Variants in LDLRAD4 observed in about 807,000 individuals in gnomAD.
The protein encoded by LDLRAD4 is low density lipoprotein receptor class A domain containing 4.
A neutral mutation model predicts 17.0 loss-of-function variants in LDLRAD4; 5 were observed. That is an observed-to-expected ratio of 0.29 (90% CI 0.15 to 0.62). The LOEUF (loss-of-function observed/expected upper bound fraction) is 0.62, where lower values mean the gene tolerates loss of function less well. Ranked by LOEUF, LDLRAD4 falls within the 20% of genes least tolerant of loss-of-function variation. LDLRAD4 has a pLI of 0.84. For synonymous variants in LDLRAD4, 168 were observed against 171.8 expected (o/e 0.98, Z 0.17); for missense variants, 340 against 424.7 (o/e 0.80, Z 1.75).
intron 3 of LDLRAD4, among the ~76,000 whole-genome samples, chr18:13,466,093 A>C (rs1321392935): frequency 2.0e-5 from 3 of 152,230 alleles, no homozygotes; most frequent in Non-Finnish European, 4.4e-5. Context: ...AATCTTTAAA[A>C]TGGTGCTCCG....
intron 4 of LDLRAD4, among the ~76,000 whole-genome samples, chr18:13,625,309 G>A (rs1359914697): frequency 6.6e-6 from 1 of 152,198 alleles, no homozygotes; most frequent in African/African-American, 2.4e-5. Context: ...TCTTTCTGCT[G>A]GAAGCCTGGA....
At chr18:13,422,036 T>A (rs548744600) in intron 2 of LDLRAD4, among the ~76,000 whole-genome samples, 1 of 152,356 alleles carries the variant, frequency 6.6e-6, no homozygotes, top group Non-Finnish European at 1.5e-5. Flanking sequence ...AGGAGCTCTG[T>A]TTCAAATACG....
chr18:13,611,522 T>C (rs928188148), intron 3 of LDLRAD4: 22 of 985,270 alleles, frequency 2.2e-5, no homozygotes, highest in East Asian at 1.1e-4. Flanking sequence ...TGAAACAAAC[T>C]GTTTAGACCT....
chr18:13,361,163 C>G (rs1030250430), intron 1 of LDLRAD4, among the ~76,000 whole-genome samples: 4 of 152,110 alleles, frequency 2.6e-5, no homozygotes, highest in African/African-American at 9.7e-5. Context: ...CTACAAGCTC[C>G]GCCTCCTGGG....
intron 2 of LDLRAD4, among the ~76,000 whole-genome samples, chr18:13,408,165 G>A (rs1216893045): frequency 6.6e-6 from 1 of 152,144 alleles, no homozygotes; most frequent in South Asian, 2.1e-4. Context: ...CTTGAGGCTG[G>A]GAGTTCGAGA....
intron 4 of LDLRAD4, among the ~76,000 whole-genome samples, chr18:13,640,082 C>G (rs150105819): frequency 0.011 from 1,629 of 152,088 alleles, 33 homozygotes; most frequent in African/African-American, 0.036. Context: ...GTCAGGAGAT[C>G]GAGAGGATCC....
intron 3 of LDLRAD4, among the ~76,000 whole-genome samples, chr18:13,571,165 C>T (rs1392498733): frequency 2.0e-5 from 3 of 152,182 alleles, no homozygotes; most frequent in African/African-American, 7.2e-5. Context: ...ACTTTCCTCA[C>T]ACTCCCATAT....
At chr18:13,238,075 G>A (rs1384847246) in intron 1 of LDLRAD4, among the ~76,000 whole-genome samples, 1 of 152,172 alleles carries the variant, frequency 6.6e-6, no homozygotes, top group Non-Finnish European at 1.5e-5. Flanking sequence ...TTACCCACAA[G>A]CTTGCTCTGA....
At chr18:13,452,219 A>G (rs1248076449) in intron 3 of LDLRAD4, among the ~76,000 whole-genome samples, 2 of 152,198 alleles carry the variant, frequency 1.3e-5, no homozygotes, top group African/African-American at 4.8e-5. Context: ...GCAGGAGATG[A>G]ATAGGGAGGG....
intron 1 of LDLRAD4, among the ~76,000 whole-genome samples, chr18:13,284,318 C>T (rs2045480015): frequency 1.3e-5 from 2 of 152,062 alleles, no homozygotes; most frequent in African/African-American, 2.4e-5. Context: ...GCCTCGTCTC[C>T]GCCTGCTTGT....
chr18:13,503,780 T>TA (rs5823253), intron 3 of LDLRAD4, among the ~76,000 whole-genome samples: 50,923 of 149,264 alleles, frequency 0.34, 8,799 homozygotes, highest in Middle Eastern at 0.58. Context: ...GCTCTTGTTT[T>TA]AAAAAAAAAA....
intron 2 of LDLRAD4, among the ~76,000 whole-genome samples, chr18:13,390,696 A>AG (rs2086205721): frequency 6.6e-6 from 1 of 151,348 alleles, no homozygotes; most frequent in East Asian, 1.9e-4. Context: ...TTCCTTCAGC[A>AG]GGGGGGATCA....
In LDLRAD4 at chr18:13,645,499, T is replaced by C; in HGVS notation, c.763T>C (p.Tyr255His). The change falls in exon 6 of 6, where the codon TAC (tyrosine) becomes CAC (histidine). Residue 255 changes from tyrosine to histidine, a missense_variant. By Grantham distance (83) the Tyr-to-His change is moderately conservative. Transcript: ENST00000359446. The surrounding 1 kb of genome is among the most constrained non-coding windows in gnomAD (Gnocchi z 5.7). The stretch of plus-strand genomic sequence containing the variant: ...GAGGATGGAGGGGCCACCCCCCACA[T>C]ACAGCGAGGTGATGGGCCACCACCC... 1 of 1,610,570 alleles carries C rather than the reference T, an allele frequency of 6.2e-7. No homozygotes were observed. The highest frequency in any genetic ancestry group is 8.5e-7 in the Non-Finnish European group (1 of 1,178,212).
At chr18:13,231,280 A>C (rs8099327) in intron 1 of LDLRAD4, among the ~76,000 whole-genome samples, 1,715 of 152,314 alleles carry the variant, frequency 0.011, 38 homozygotes, top group African/African-American at 0.038. Context: ...CAGTGGACAC[A>C]TGGCTCGTGT....
At chr18:13,494,960 C>T (rs1341271614) in intron 3 of LDLRAD4, among the ~76,000 whole-genome samples, 3 of 151,762 alleles carry the variant, frequency 2.0e-5, no homozygotes, top group Non-Finnish European at 4.4e-5. Flanking sequence ...ACAAGCGAAC[C>T]CCGTTTGCCT....
At chr18:13,220,246 G>A (rs1454604398) in intron 1 of LDLRAD4, among the ~76,000 whole-genome samples, 1 of 152,216 alleles carries the variant, frequency 6.6e-6, no homozygotes, top group African/African-American at 2.4e-5. Context: ...GTAAATGCCA[G>A]TAAGGGATTT....
chr18:13,232,866 G>A (rs1185762103), intron 1 of LDLRAD4, among the ~76,000 whole-genome samples: 1 of 152,198 alleles, frequency 6.6e-6, no homozygotes, highest in African/African-American at 2.4e-5. Flanking sequence ...CTCCGGACCC[G>A]AAGCTGGCAG....
At chr18:13,261,070 C>T (rs527658696) in intron 1 of LDLRAD4, among the ~76,000 whole-genome samples, 17 of 152,314 alleles carry the variant, frequency 1.1e-4, no homozygotes, top group African/African-American at 4.1e-4. Flanking sequence ...CCCCTCATTC[C>T]TCTCCTAGGT....
intron 4 of LDLRAD4, among the ~76,000 whole-genome samples, chr18:13,638,382 C>A (rs1175207271): frequency 6.6e-6 from 1 of 152,178 alleles, no homozygotes; most frequent in African/African-American, 2.4e-5. Context: ...CAGATGTATA[C>A]CTATGCTGAT....
Sources: allele counts gnomAD v4.1 joint callset (sites outside exome capture counted in the v4.1 genomes callset), GRCh38; gene constraint gnomAD v4.1.1; non-coding constraint Gnocchi (gnomAD v3.1); transcripts MANE v1.5; gene names NCBI Gene and HGNC (gene_info 2026-07-23, HGNC 2026-07-21).